CDK14: variants seen among roughly 807,000 people sequenced by gnomAD.
The protein encoded by CDK14 is cyclin dependent kinase 14, also known as cyclin-dependent kinase 14.
A neutral mutation model predicts 60.7 loss-of-function variants in CDK14; 34 were observed. That is an observed-to-expected ratio of 0.56 (90% CI 0.43 to 0.75). CDK14 has a LOEUF of 0.75. Ranked by LOEUF, CDK14 falls within the 30% of genes least tolerant of loss-of-function variation. CDK14 has a pLI of 0.00. For missense variants in CDK14, 482 were observed against 564.1 expected (o/e 0.85, Z 1.47); for synonymous variants, 197 against 203.7 (o/e 0.97, Z 0.28).
At chr7:91,009,802 C>G (rs189607722) in intron 10 of CDK14, among the ~76,000 whole-genome samples, 1 of 152,112 alleles carries the variant, frequency 6.6e-6, no homozygotes, top group Admixed American at 6.5e-5. Flanking sequence ...TTCACAGTTT[C>G]TTTTGAAGAG....
intron 10 of CDK14, among the ~76,000 whole-genome samples, chr7:91,026,319 A>G (rs772126966): frequency 2.6e-4 from 40 of 152,230 alleles, no homozygotes; most frequent in Non-Finnish European, 4.3e-4. Flanking sequence ...TGCCGTGTCT[A>G]CTGTCTAGAT....
chr7:90,923,366 C>T (rs1294446943), intron 8 of CDK14, among the ~76,000 whole-genome samples: 1 of 152,136 alleles, frequency 6.6e-6, no homozygotes, highest in Non-Finnish European at 1.5e-5. Flanking sequence ...ATTTCGGCCT[C>T]CCAAAATGCT....
At chr7:91,110,230 A>G (rs1032507684) in intron 12 of CDK14, among the ~76,000 whole-genome samples, 4 of 151,660 alleles carry the variant, frequency 2.6e-5, no homozygotes, top group African/African-American at 7.2e-5. Context: ...AAAATTTTAT[A>G]TAACAAATAT....
rs3840663 is a variant in CDK14 at position 90,828,520 on chromosome 7, A to ATT, written c.545-34648_545-34647dup. Among the ~76,000 whole-genome samples, 26 of 151,850 alleles carry ATT rather than the reference A, an allele frequency of 1.7e-4. No homozygotes were observed. In the East Asian group the frequency reaches 1.7e-3, roughly 10 times the overall value. On this transcript the variant is annotated intron_variant, in intron 5 of 14. Transcript: ENST00000380050. ...TCATTGAATTCTCTATTTGTTTAAT[A>ATT]TTTTTTTTCCCTATTGGTTAGGTCA...
intron 5 of CDK14, among the ~76,000 whole-genome samples, chr7:90,792,929 CTT>C (rs1374754243): frequency 6.6e-6 from 1 of 152,186 alleles, no homozygotes; most frequent in Admixed American, 6.5e-5. Flanking sequence ...TTCCCTGGCT[CTT>C]TTTAGATTTA....
At chr7:90,756,663 C>A (rs1384314599) in intron 4 of CDK14, among the ~76,000 whole-genome samples, 1 of 152,132 alleles carries the variant, frequency 6.6e-6, no homozygotes, top group Non-Finnish European at 1.5e-5. Context: ...TGTCATATAG[C>A]AGGACTTGAG....
chr7:91,086,793 CAT>C (rs1219515638), intron 12 of CDK14, among the ~76,000 whole-genome samples: 1 of 152,100 alleles, frequency 6.6e-6, no homozygotes, highest in Non-Finnish European at 1.5e-5. Context: ...AAAAGAAACA[CAT>C]GATATGTGAT....
At chr7:91,011,026 G>A (rs143379004) in intron 10 of CDK14, among the ~76,000 whole-genome samples, 3 of 151,682 alleles carry the variant, frequency 2.0e-5, no homozygotes, top group Non-Finnish European at 4.4e-5. Flanking sequence ...GTTTTTTGTC[G>A]ATTCCCTTTA....
At chr7:91,060,369 G>A (rs1211518601) in intron 11 of CDK14, among the ~76,000 whole-genome samples, 1 of 151,974 alleles carries the variant, frequency 6.6e-6, no homozygotes, top group Non-Finnish European at 1.5e-5. Flanking sequence ...GGCAGTCTGT[G>A]TCTTTTAATT....
intron 2 of CDK14, among the ~76,000 whole-genome samples, chr7:90,707,232 T>C (rs768790082): frequency 5.3e-5 from 8 of 152,172 alleles, no homozygotes; most frequent in Non-Finnish European, 8.8e-5. Context: ...CTTCCTGTGT[T>C]CACTGGTTTA....
At chr7:90,781,804 G>A (rs1383953645) in intron 4 of CDK14, among the ~76,000 whole-genome samples, 1 of 152,052 alleles carries the variant, frequency 6.6e-6, no homozygotes, top group African/African-American at 2.4e-5. Context: ...GTACCATGCT[G>A]TTTTGGTTAC....
intron 6 of CDK14, among the ~76,000 whole-genome samples, chr7:90,878,095 A>T (rs61538786): frequency 0.044 from 5,515 of 126,440 alleles, 122 homozygotes; most frequent in South Asian, 0.081. Flanking sequence ...TGTGTGTGTG[A>T]GAGAGAGAGA....
chr7:90,986,332 G>A (rs1459013368), intron 10 of CDK14, among the ~76,000 whole-genome samples: 1 of 151,956 alleles, frequency 6.6e-6, no homozygotes, highest in East Asian at 1.9e-4. Context: ...ATTAGAATAA[G>A]AAGTCCTTAT....
chr7:90,805,133 C>A (rs1455775177), intron 5 of CDK14, among the ~76,000 whole-genome samples: 1 of 151,950 alleles, frequency 6.6e-6, no homozygotes, highest in African/African-American at 2.4e-5. Flanking sequence ...TTCTTCCATT[C>A]AAAATTTCTG....
chr7:90,787,014 G>A (rs987673078), intron 4 of CDK14, among the ~76,000 whole-genome samples: 1 of 151,268 alleles, frequency 6.6e-6, no homozygotes, highest in Non-Finnish European at 1.5e-5. Flanking sequence ...TTCCACAGCT[G>A]TCTTTTCTAA....
intron 7 of CDK14, among the ~76,000 whole-genome samples, chr7:90,904,959 C>G (rs1244881662): frequency 6.6e-6 from 1 of 152,072 alleles, no homozygotes; most frequent in Non-Finnish European, 1.5e-5. Flanking sequence ...TGCAAACTGT[C>G]AGTGAAGTAT....
chr7:91,067,820 G>T lies in CDK14; in HGVS notation c.1106-11612G>T, dbSNP rs78812841. 1.7e-3 allele frequency among the ~76,000 whole-genome samples: 262 copies of T among 152,214 alleles called. 3 individuals carry two copies. Among genetic ancestry groups the T allele is most frequent in the Non-Finnish European group, 2.5e-3 (170 of 68,008 alleles). ...CAAGCTCTAAAAGAGGTAATTCTTAGAACTAATATTTATGTGCAATTAATT... is the reference window on the plus strand; with the variant it reads ...CAAGCTCTAAAAGAGGTAATTCTTATAACTAATATTTATGTGCAATTAATT... On this transcript the variant is annotated intron_variant, in intron 11 of 14. Transcript: ENST00000380050.
chr7:91,069,569 A>G (rs1798077792), intron 11 of CDK14, among the ~76,000 whole-genome samples: 1 of 152,156 alleles, frequency 6.6e-6, no homozygotes, highest in African/African-American at 2.4e-5. Flanking sequence ...AAAAGCAGAC[A>G]ACACTGAAAA....
intron 2 of CDK14, among the ~76,000 whole-genome samples, chr7:90,725,897 A>G (rs1037497623): frequency 6.6e-6 from 1 of 152,138 alleles, no homozygotes; most frequent in Non-Finnish European, 1.5e-5. Flanking sequence ...TAGTGGAATA[A>G]TGTAAACCAA....
Sources: gnomAD v4.1 joint callset for allele counts (sites outside exome capture counted in the v4.1 genomes callset) on GRCh38, gnomAD v4.1.1 for gene constraint, MANE v1.5 for transcripts, NCBI Gene and HGNC (gene_info 2026-07-23, HGNC 2026-07-21) for gene names.